The following ACOT8 variants were observed in gnomAD, a reference collection of about 807,000 sequenced individuals.
ACOT8 encodes acyl-CoA thioesterase 8.
In ACOT8, 31 loss-of-function variants were observed where a neutral mutation model predicts 38.4. That is an observed-to-expected ratio of 0.81 (90% CI 0.61 to 1.09). ACOT8 has a LOEUF of 1.09. ACOT8 is among the 50% of genes least tolerant of loss of function. ACOT8 has a pLI of 0.00. For synonymous variants in ACOT8, 158 were observed against 170.3 expected (o/e 0.93, Z 0.56); for missense variants, 373 against 421.8 (o/e 0.88, Z 1.01).
intron 4 of ACOT8, chr20:45,843,954 G>A: frequency 1.1e-6 from 1 of 878,296 alleles, no homozygotes. Flanking sequence ...CCCACTCTAG[G>A]CCCCAAAAGG....
intron 2 of ACOT8, 116 bp from the exon 3 acceptor site, chr20:45,848,791 G>T: frequency 2.2e-6 from 2 of 904,784 alleles, no homozygotes; most frequent in Non-Finnish European, 1.6e-6. Flanking sequence ...ACTAACTGAG[G>T]TCTGCTAAGG....
intron 3 of ACOT8, among the ~76,000 whole-genome samples, chr20:45,845,916 C>G (rs1984657154): frequency 6.6e-6 from 1 of 151,460 alleles, no homozygotes; most frequent in Admixed American, 6.6e-5. Flanking sequence ...ACTGCAACCT[C>G]TGCCCCCTGG....
chr20:45,843,767 C>T, intron 4 of ACOT8, 46 bp from the exon 5 acceptor site: 1 of 1,597,398 alleles, frequency 6.3e-7, no homozygotes. Flanking sequence ...CTTTCCAGCT[C>T]AGGACCTGCA....
intron 2 of ACOT8, among the ~76,000 whole-genome samples, chr20:45,854,223 G>A (rs553541564): frequency 1.3e-5 from 2 of 152,182 alleles, no homozygotes; most frequent in South Asian, 2.1e-4. Context: ...ACAGAGTCTC[G>A]CTCTGTTGCC....
intron 3 of ACOT8, among the ~76,000 whole-genome samples, chr20:45,845,780 G>A (rs1984641378): frequency 1.3e-5 from 2 of 151,894 alleles, no homozygotes; most frequent in African/African-American, 2.4e-5. Context: ...CACCTGAAAT[G>A]TGGCTAATGC....
intron 5 of ACOT8, chr20:45,842,319 C>T: frequency 7.1e-7 from 1 of 1,403,576 alleles, no homozygotes; most frequent in East Asian, 2.6e-5. Flanking sequence ...CACACCTCTC[C>T]TCGCTTCCTC....
chr20:45,841,968 G>T lies in ACOT8; in HGVS notation c.842-12C>A, dbSNP rs1231892533. 10 of 1,612,876 alleles carry T rather than the reference G, an allele frequency of 6.2e-6. No homozygotes were observed. Among genetic ancestry groups the T allele is most frequent in the Non-Finnish European group, 8.5e-6 (10 of 1,179,938 alleles). On this transcript the variant is annotated splice_polypyrimidine_tract_variant and intron_variant, in intron 5 of 5. Coordinates refer to ENST00000217455, the MANE Select transcript of ACOT8 (RefSeq NM_005469.4). Reference sequence around the variant, plus strand: ...CCCCCGAGAGCCACCTGTGGGTGAGGTGAAGGGTGATGATGGCCTGCTTCA... The same window carrying T: ...CCCCCGAGAGCCACCTGTGGGTGAGTTGAAGGGTGATGATGGCCTGCTTCA...
In ACOT8 at chr20:45,843,741, GC is replaced by G. The variant is rs536167577; in HGVS notation, c.647-21del. ...CCTCGCCTGCAACAGGTCCCCATCA[GC>G]CCTGGGCTCCTGGGCTTTCCAGCTC... On this transcript the variant is annotated intron_variant, in intron 4 of 5. Coordinates refer to ENST00000217455, the MANE Select transcript of ACOT8 (RefSeq NM_005469.4). 4.6e-3 allele frequency: 7,391 copies of G among 1,603,378 alleles called. 31 individuals are homozygous for G. Among genetic ancestry groups the G allele is most frequent in the Middle Eastern group, 0.01 (61 of 6,008 alleles).
At position 45,843,738 on chromosome 20, in the gene ACOT8, T is replaced by A; in HGVS notation, c.647-17A>T. The A allele has an allele frequency of 6.2e-7, 1 of 1,604,890 alleles. No individual in the cohort carries two copies. The highest frequency in any genetic ancestry group is 8.5e-7 in the Non-Finnish European group (1 of 1,173,048). ...CGCCCTCGCCTGCAACAGGTCCCCA[T>A]CAGCCCTGGGCTCCTGGGCTTTCCA... On this transcript the variant is annotated splice_polypyrimidine_tract_variant and intron_variant, in intron 4 of 5. Transcript: ENST00000217455.
In ACOT8 at chr20:45,855,164, C is replaced by A; in HGVS notation, c.257G>T (p.Arg86Leu). ...HVHSLHCYFV[R>L]AGDPKLPVLY... Reference sequence around the variant, plus strand: ...GCAGGAAGTGGGGGGTTTACCTGCCCGAACAAAGTAGCAGTGCAGGGAGTG... The same window carrying A: ...GCAGGAAGTGGGGGGTTTACCTGCCAGAACAAAGTAGCAGTGCAGGGAGTG... The change falls in exon 2 of 6, where the codon CGG (arginine) becomes CTG (leucine). Residue 86 changes from arginine to leucine, a missense_variant. Transcript: ENST00000217455. 1 of 1,613,812 alleles carries A rather than the reference C, an allele frequency of 6.2e-7. No homozygotes were observed. Among genetic ancestry groups the A allele is most frequent in the East Asian group, 2.2e-5 (1 of 44,870 alleles).
chr20:45,854,401 G>C (rs197674), intron 2 of ACOT8, among the ~76,000 whole-genome samples: 1 of 152,014 alleles, frequency 6.6e-6, no homozygotes, highest in Non-Finnish European at 1.5e-5. Flanking sequence ...TAGTAGAGAC[G>C]GGGTTTCACC....
chr20:45,846,493 T>C (rs1042743499), intron 3 of ACOT8, among the ~76,000 whole-genome samples: 3 of 152,094 alleles, frequency 2.0e-5, no homozygotes, highest in African/African-American at 7.2e-5. Flanking sequence ...AGGGACAAAA[T>C]CTAGAATTGA....
chr20:45,851,721 T>C (rs1206312629), intron 2 of ACOT8, among the ~76,000 whole-genome samples: 2 of 152,234 alleles, frequency 1.3e-5, no homozygotes, highest in African/African-American at 4.8e-5. Flanking sequence ...TGCTAATTTG[T>C]TTACATATTG....
At chr20:45,848,406 G>A (rs563268021) in intron 3 of ACOT8, 44 bp downstream of exon 3, 1 of 1,487,990 alleles carries the variant, frequency 6.7e-7, no homozygotes, top group South Asian at 1.3e-5. Flanking sequence ...ACAGATAGCA[G>A]CTGCATTTTG....
intron 1 of ACOT8, among the ~76,000 whole-genome samples, chr20:45,856,171 GA>G (rs1985410819): frequency 6.6e-6 from 1 of 152,246 alleles, no homozygotes; most frequent in Non-Finnish European, 1.5e-5. Flanking sequence ...GACTGAGGCA[GA>G]AGGGTCACTT....
intron 1 of ACOT8, among the ~76,000 whole-genome samples, chr20:45,856,976 TCAGCTGTG>T (rs1474012644): frequency 6.6e-6 from 1 of 152,094 alleles, no homozygotes; most frequent in Admixed American, 6.5e-5. Context: ...CTATATTTGC[TCAGCTGTG>T]CAGACCTCGC....
In ACOT8 at chr20:45,841,948, G is replaced by A. The variant is rs753164804; in HGVS notation, c.850C>T (p.Arg284Trp). The A allele has an allele frequency of 7.4e-6, 12 of 1,613,032 alleles. No individual in the cohort carries two copies. Among genetic ancestry groups the A allele is most frequent in the Middle Eastern group, 1.6e-4 (1 of 6,076 alleles). Residue 284 changes from arginine (R) to tryptophan (W), a missense_variant, in exon 6 of 6, where the codon CGG (arginine) becomes TGG (tryptophan). Transcript: ENST00000217455. ...CACAGCCGCCCATGGACCAGCCCCCGAGAGCCACCTGTGGGTGAGGTGAAG... is the reference window on the plus strand; with the variant it reads ...CACAGCCGCCCATGGACCAGCCCCCAAGAGCCACCTGTGGGTGAGGTGAAG... ...ECESPWAGGS[R>W]GLVHGRLWRQ...
At chr20:45,848,364 C>G (rs539732683) in intron 3 of ACOT8, 86 bp downstream of exon 3, 1 of 1,212,346 alleles carries the variant, frequency 8.2e-7, no homozygotes, top group Non-Finnish European at 1.2e-6. Context: ...AAATGCTGGT[C>G]AAGACCCACT....
At chr20:45,856,498 GGT>G (rs200325894) in intron 1 of ACOT8, among the ~76,000 whole-genome samples, 2,475 of 152,214 alleles carry the variant, frequency 0.016, 117 homozygotes, top group Admixed American at 0.1. Context: ...TGGCCAACAC[GGT>G]GAAACCCCGT....
Sources: gnomAD v4.1 joint callset for allele counts (sites outside exome capture counted in the v4.1 genomes callset) on GRCh38, gnomAD v4.1.1 for gene constraint, MANE v1.5 for transcripts, NCBI Gene and HGNC (gene_info 2026-07-23, HGNC 2026-07-21) for gene names.